Variants in CYP2C19 observed in about 807,000 individuals in gnomAD.
CYP2C19 encodes the protein cytochrome P450 family 2 subfamily C member 19, also known as cytochrome P450 2C19.
A neutral mutation model predicts 40.9 loss-of-function variants in CYP2C19; 59 were observed. The ratio of observed to expected loss-of-function variants is 1.44; its 90% CI spans 1.17 to 1.79. CYP2C19 has a LOEUF of 1.79. Among genes scored for constraint, CYP2C19 ranks in the 40% most tolerant of loss-of-function variants. CYP2C19 has a pLI of 0.00. For missense variants in CYP2C19, 754 were observed against 596.9 expected (o/e 1.26, Z -2.74); for synonymous variants, 253 against 208.7 (o/e 1.21, Z -1.83).
intron 5 of CYP2C19, among the ~76,000 whole-genome samples, chr10:94,801,095 C>A (rs1187325277): frequency 6.6e-6 from 1 of 152,174 alleles, no homozygotes; most frequent in Admixed American, 6.5e-5. Context: ...CACTTGTCTT[C>A]TGCCTCAATC....
chr10:94,785,875 C>T (rs113089853), intron 5 of CYP2C19, among the ~76,000 whole-genome samples: 7,259 of 152,134 alleles, frequency 0.048, 245 homozygotes, highest in South Asian at 0.11. Context: ...GACAAGATGG[C>T]GCTGGTCAAG....
intron 6 of CYP2C19, among the ~76,000 whole-genome samples, chr10:94,820,908 G>C (rs955287023): frequency 6.6e-6 from 1 of 151,986 alleles, no homozygotes; most frequent in Non-Finnish European, 1.5e-5. Context: ...ATATGGCCAA[G>C]CCCCATCTCT....
At chr10:94,823,410 C>A (rs1257890542) in intron 6 of CYP2C19, among the ~76,000 whole-genome samples, 3 of 152,174 alleles carry the variant, frequency 2.0e-5, no homozygotes, top group African/African-American at 7.2e-5. Context: ...AGGGTCCACA[C>A]CTTCAATTCA....
At chr10:94,845,968 C>T (rs1849567406) in intron 7 of CYP2C19, among the ~76,000 whole-genome samples, 1 of 151,978 alleles carries the variant, frequency 6.6e-6, no homozygotes, top group Non-Finnish European at 1.5e-5. Flanking sequence ...GACCTCAATA[C>T]TGCAGTATAT....
Position 94,842,940 on chromosome 10 carries a change from C to T in CYP2C19, c.1065C>T (p.Val355=), listed in dbSNP as rs2134286820. ...ACACAGATGCTGTGGTGCACGAGGT[C>T]CAGAGATACATCGACCTCATCCCCA... ...MPYTDAVVHE[V]QRYIDLIPTS... The change falls in exon 7 of 9, where the codon GTC becomes GTT. Residue 355 remains valine (V), a synonymous_variant. Coordinates refer to ENST00000371321, the MANE Select transcript of CYP2C19 (RefSeq NM_000769.4). The T allele has an allele frequency of 6.2e-7, 1 of 1,614,186 alleles. No homozygotes were observed. Among genetic ancestry groups the T allele is most frequent in the East Asian group, 2.2e-5 (1 of 44,868 alleles).
rs190317473 is a variant in CYP2C19 at position 94,773,323 on chromosome 10, G to T, written c.169-1735G>T. Among the ~76,000 whole-genome samples, 171 of 152,308 alleles carry T rather than the reference G, an allele frequency of 1.1e-3. 3 individuals are homozygous for T. Among genetic ancestry groups the T allele is most frequent in the Non-Finnish European group, 8.5e-4 (58 of 68,040 alleles). On this transcript the variant is annotated intron_variant, in intron 1 of 8. Coordinates refer to ENST00000371321, the MANE Select transcript of CYP2C19 (RefSeq NM_000769.4). Reference sequence around the variant, plus strand: ...GTGAGTGTTACAGTTCTTAAAGATGGTGTGTCTGGAGTTTGTTCCTTCAGA... The same window carrying T: ...GTGAGTGTTACAGTTCTTAAAGATGTTGTGTCTGGAGTTTGTTCCTTCAGA...
intron 1 of CYP2C19, among the ~76,000 whole-genome samples, chr10:94,771,063 AC>A (rs1407140920): frequency 6.7e-4 from 102 of 152,208 alleles, no homozygotes; most frequent in African/African-American, 2.3e-3. Context: ...TTTGCCCTAG[AC>A]CCTGTAGGAC....
chr10:94,817,991 C>T (rs1183156717), intron 5 of CYP2C19, among the ~76,000 whole-genome samples: 94 of 117,370 alleles, frequency 8.0e-4, no homozygotes, highest in African/African-American at 1.1e-3. Context: ...CCAGCCTGGG[C>T]GACAGAGTGA....
intron 6 of CYP2C19, among the ~76,000 whole-genome samples, chr10:94,834,481 T>C (rs1010821261): frequency 6.6e-6 from 1 of 152,102 alleles, no homozygotes; most frequent in African/African-American, 2.4e-5. Flanking sequence ...GTTTTCTTCA[T>C]TTAAATTTCA....
intron 6 of CYP2C19, among the ~76,000 whole-genome samples, chr10:94,840,729 T>C (rs1339566957): frequency 6.6e-6 from 1 of 152,186 alleles, no homozygotes; most frequent in Admixed American, 6.5e-5. Flanking sequence ...GGACAACAGC[T>C]TTCTGCCTCT....
At chr10:94,807,664 C>A (rs1023451217) in intron 5 of CYP2C19, among the ~76,000 whole-genome samples, 2 of 152,028 alleles carry the variant, frequency 1.3e-5, no homozygotes, top group Non-Finnish European at 2.9e-5. Context: ...TTCCATATAC[C>A]TATTGGCCAC....
In CYP2C19 at chr10:94,845,511, C is replaced by T. The variant is rs1198154164; in HGVS notation, c.1149+2487C>T. Among the ~76,000 whole-genome samples the T allele has an allele frequency of 6.6e-5, 10 of 152,266 alleles. No homozygotes were observed. In the South Asian group the frequency reaches 1.7e-3, roughly 25 times the overall value. ...TCCAGTAGAATTTTCTGCAAAGATGCTCGATTGATTTGTGTCCTATTTAAA... is the reference window on the plus strand; with the variant it reads ...TCCAGTAGAATTTTCTGCAAAGATGTTCGATTGATTTGTGTCCTATTTAAA... On this transcript the variant is annotated intron_variant, in intron 7 of 8. Coordinates refer to ENST00000371321, the MANE Select transcript of CYP2C19 (RefSeq NM_000769.4).
chr10:94,827,454 G>C lies in CYP2C19; in HGVS notation c.961+6817G>C, dbSNP rs542490238. Among the ~76,000 whole-genome samples, 878 of 152,114 alleles carry C rather than the reference G, an allele frequency of 5.8e-3. 8 individuals carry two copies. Among genetic ancestry groups the C allele is most frequent in the African/African-American group, 0.02 (843 of 41,484 alleles). ...GATTTTCTAGTTTATTTGCATAGAG[G>C]TGTTTGTAGTATTCTCTGATGGTAG... On this transcript the variant is annotated intron_variant, in intron 6 of 8. Coordinates refer to ENST00000371321, the MANE Select transcript of CYP2C19 (RefSeq NM_000769.4).
At chr10:94,772,530 A>G in intron 1 of CYP2C19, among the ~76,000 whole-genome samples, 1 of 152,166 alleles carries the variant, frequency 6.6e-6, no homozygotes, top group East Asian at 1.9e-4. Flanking sequence ...ATAGATAGGC[A>G]AGTCTCTCTT....
intron 6 of CYP2C19, among the ~76,000 whole-genome samples, chr10:94,826,533 G>A (rs532870937): frequency 2.6e-5 from 4 of 152,158 alleles, no homozygotes; most frequent in Non-Finnish European, 4.4e-5. Context: ...TGCTGAAGTT[G>A]TTTATCAGCT....
intron 6 of CYP2C19, among the ~76,000 whole-genome samples, chr10:94,824,598 T>G (rs539519811): frequency 6.6e-6 from 1 of 152,170 alleles, no homozygotes; most frequent in African/African-American, 2.4e-5. Flanking sequence ...TAATTCCTGT[T>G]TTTTTCCAAG....
Position 94,778,312 on chromosome 10 carries a change from C to G in CYP2C19, c.482-2187C>G, listed in dbSNP as rs114452033. Among the ~76,000 whole-genome samples, 475 of 152,266 alleles carry G rather than the reference C, an allele frequency of 3.1e-3. 3 individuals are homozygous for G. The highest frequency in any genetic ancestry group is 0.011 in the African/African-American group (452 of 41,568). On this transcript the variant is annotated intron_variant, in intron 3 of 8. Coordinates refer to ENST00000371321, the MANE Select transcript of CYP2C19 (RefSeq NM_000769.4). ...TACATACTCCTCGTCCTCTCCCTCA[C>G]GGTCAGAGAACAGCTGCGTTCAGCT... is the stretch of plus-strand genomic sequence containing the variant.
intron 5 of CYP2C19, among the ~76,000 whole-genome samples, chr10:94,812,717 A>T (rs1191202200): frequency 1.3e-5 from 2 of 151,774 alleles, no homozygotes; most frequent in African/African-American, 2.4e-5. Flanking sequence ...TGTGTTCTTC[A>T]GCTCCATCAG....
chr10:94,804,142 G>A (rs1848802159), intron 5 of CYP2C19, among the ~76,000 whole-genome samples: 1 of 152,136 alleles, frequency 6.6e-6, no homozygotes, highest in Non-Finnish European at 1.5e-5. Flanking sequence ...GGATGGAATG[G>A]AGAGGGCTCC....
Sources: gnomAD v4.1 joint callset for allele counts (sites outside exome capture counted in the v4.1 genomes callset) on GRCh38, gnomAD v4.1.1 for gene constraint, MANE v1.5 for transcripts, NCBI Gene and HGNC (gene_info 2026-07-23, HGNC 2026-07-21) for gene names.